EMC3: variants seen among roughly 807,000 people sequenced by gnomAD.
EMC3 encodes the protein ER membrane protein complex subunit 3, also known as 30 kDa protein.
Under a neutral mutation model 36.6 loss-of-function variants are expected in EMC3, and 13 were observed. The observed-to-expected ratio is 0.35, with a 90% confidence interval of 0.23 to 0.56. The LOEUF (loss-of-function observed/expected upper bound fraction) is 0.56, where lower values mean the gene tolerates loss of function less well. Ranked by LOEUF, EMC3 falls within the 20% of genes least tolerant of loss-of-function variation. The pLI is 0.84. For missense variants in EMC3, 220 were observed against 324.5 expected, an observed-to-expected ratio of 0.68 and a Z score of 2.47; for synonymous variants, 120 against 111.9, an observed-to-expected ratio of 1.07 and a Z score of -0.46.
intron 1 of EMC3, among the ~76,000 whole-genome samples, chr3:9,982,270 T>C (rs1454121089): frequency 1.3e-5 from 2 of 150,412 alleles, no homozygotes; most frequent in Non-Finnish European, 3.0e-5. Flanking sequence ...TTTTCTTTTT[T>C]TTGAGACATA....
upstream of EMC3, chr3:9,986,986 T>TG (rs1464568807): frequency 1.1e-5 from 12 of 1,097,630 alleles, no homozygotes; most frequent in Non-Finnish European, 1.2e-5. Context: ...GAGGCCAAGG[T>TG]GGGGGGATCA....
chr3:9,987,473 C>A (rs981368878), upstream of EMC3, among the ~76,000 whole-genome samples: 1 of 152,128 alleles, frequency 6.6e-6, no homozygotes, highest in Non-Finnish European at 1.5e-5. Context: ...ACCCTCACCC[C>A]CTTCCCGATG....
In EMC3 at chr3:9,986,676, G is replaced by A. The variant is rs761131321; in HGVS notation, c.-15C>T. ...GGCCCTGCCATCTTCACTGAAAGCT[G>A]GTTCCCAGTCTGGAATGGGCGAGCT... On this transcript the variant is annotated 5_prime_UTR_variant, in exon 1 of 8. Coordinates refer to ENST00000245046, the MANE Select transcript of EMC3 (RefSeq NM_001394674.1). 1.9e-6 allele frequency: 3 copies of A among 1,613,424 alleles called. No individual in the cohort carries two copies. Among genetic ancestry groups the A allele is most frequent in the South Asian group, 1.1e-5 (1 of 91,054 alleles).
Position 9,986,747 on chromosome 3 carries a change from G to A in EMC3, c.-86C>T, listed in dbSNP as rs552997830. ...TGCTTCTCTTCGGCTTCGCCTCCGG[G>A]CCTTCTCAAGCCCCTTTGCCCGTGT... On this transcript the variant is annotated 5_prime_UTR_variant, in exon 1 of 8. Transcript: ENST00000245046. 1.4e-4 allele frequency: 218 copies of A among 1,567,396 alleles called. No individual in the cohort carries two copies. The African/African-American group carries it at 2.2e-3, about 16-fold the overall frequency.
At chr3:9,990,311 T>G (rs1239192897), upstream of EMC3, among the ~76,000 whole-genome samples, 1 of 141,764 alleles carries the variant, frequency 7.1e-6, no homozygotes, top group African/African-American at 2.7e-5. Flanking sequence ...TGAGCCACCG[T>G]GCCGGGCCTT....
rs1479009744 is a variant in EMC3, at chr3:9,973,726, G to T, written c.413-17C>A. ...GGACCTTGGCTGCAGAGAAGAAAAA[G>T]TTCACAATCACTCTGAGCTGTTTTA... On this transcript the variant is annotated splice_polypyrimidine_tract_variant and intron_variant, in intron 4 of 7. Transcript: ENST00000245046. 23 of 1,607,564 alleles carry T rather than the reference G, an allele frequency of 1.4e-5. No homozygotes were observed. Among genetic ancestry groups the T allele is most frequent in the Non-Finnish European group, 1.9e-5 (22 of 1,173,974 alleles).
rs748279358 is a variant in EMC3, at chr3:10,007,350, T to G, written c.-242+3673A>C. 9 of 1,347,848 alleles carry G rather than the reference T, an allele frequency of 6.7e-6. No individual in the cohort carries two copies. In the South Asian group the frequency reaches 1.0e-4, roughly 16 times the overall value. The allele number at this position is 1,347,848 out of a possible 1,614,324, so 83.5% of individuals were successfully genotyped here. A position where few individuals can be genotyped will look rare whatever the true frequency, so the allele number is the denominator to read the frequency against. ...TCCCGTCTGCCTGTGTCAATCATGC[T>G]GAGAGGTCCCCAGGAGGATCCTGAA... On this transcript the variant is annotated intron_variant, in intron 1 of 8. Transcript: ENST00000470827.
At chr3:9,987,103 A>C, upstream of EMC3, 1 of 820,032 alleles carries the variant, frequency 1.2e-6, no homozygotes. Context: ...AGTCGCAGCT[A>C]CTCGGGAGGC....
In EMC3 at chr3:10,003,299, C is replaced by T. The variant is rs73811803; in HGVS notation, c.-242+7724G>A. 5.2e-3 allele frequency: 2,304 copies of T among 440,552 alleles called. 36 individuals carry two copies. Among genetic ancestry groups the T allele is most frequent in the African/African-American group, 0.041 (2,018 of 49,384 alleles). 27.3% of individuals were successfully genotyped at this position (440,552 alleles called of 1,614,324 possible). ...TTGCCAATAAGGAGGCTGTGACTGC[C>T]GCAGGGCTGCCAGGGGATGCACTTC... On this transcript the variant is annotated intron_variant, in intron 1 of 8. Coordinates refer to the EMC3 transcript ENST00000470827.
At chr3:9,986,481 T>C (rs745365395) in intron 1 of EMC3, 26 bp downstream of exon 1, 1 of 1,608,968 alleles carries the variant, frequency 6.2e-7, no homozygotes. Flanking sequence ...CGGTGTGAGG[T>C]AGGCTGGAGA....
In EMC3 at chr3:9,996,789, C is replaced by G. The variant is rs147522373; in HGVS notation, c.-241-9887G>C. Among the ~76,000 whole-genome samples, 603 of 152,290 alleles carry G rather than the reference C, an allele frequency of 4.0e-3. 5 individuals carry two copies. Among genetic ancestry groups the G allele is most frequent in the Non-Finnish European group, 6.9e-3 (471 of 68,032 alleles). ...TCACTTTATAACCTTCTGAGATGTT[C>G]TGAGAATTTACAAATTTGTGTTTAC... On this transcript the variant is annotated intron_variant, in intron 1 of 8. Coordinates refer to the EMC3 transcript ENST00000470827.
chr3:9,995,483 G>A (rs17050699), intron 1 of EMC3, among the ~76,000 whole-genome samples: 32,573 of 141,928 alleles, frequency 0.23, 3,762 homozygotes, highest in African/African-American at 0.36. Flanking sequence ...CCTGAAGCCA[G>A]CATTACTAGA....
chr3:10,007,262 A>C, intron 1 of EMC3: 1 of 1,215,208 alleles, frequency 8.2e-7, no homozygotes, highest in Non-Finnish European at 1.1e-6. Context: ...CACATTGTTC[A>C]TGGCTTCCCC....
At chr3:9,965,416 CGATAGAT>C (rs2085727139) in intron 7 of EMC3, among the ~76,000 whole-genome samples, 1 of 145,756 alleles carries the variant, frequency 6.9e-6, no homozygotes, top group Non-Finnish European at 1.5e-5. Flanking sequence ...GTGAGACCCT[CGATAGAT>C]AGATAGATAG....
chr3:9,998,435 A>T (rs1452139278), intron 1 of EMC3, among the ~76,000 whole-genome samples: 5 of 144,258 alleles, frequency 3.5e-5, no homozygotes, highest in East Asian at 2.0e-4. Context: ...TAATAATTTA[A>T]TTTTTTTTTT....
intron 1 of EMC3, among the ~76,000 whole-genome samples, chr3:9,978,792 T>C (rs2085877973): frequency 6.6e-6 from 1 of 151,656 alleles, no homozygotes; most frequent in Non-Finnish European, 1.5e-5. Context: ...GACGACGCCA[T>C]TGCACTCCAG....
intron 1 of EMC3, among the ~76,000 whole-genome samples, chr3:9,984,687 G>C (rs900754792): frequency 1.3e-5 from 2 of 152,156 alleles, no homozygotes; most frequent in Non-Finnish European, 2.9e-5. Context: ...CACCATGCCC[G>C]GCCAGTAAGC....
At chr3:9,991,609 G>A (rs555215383), upstream of EMC3, among the ~76,000 whole-genome samples, 24 of 152,176 alleles carry the variant, frequency 1.6e-4, no homozygotes, top group South Asian at 4.2e-3. Flanking sequence ...TCCACCTCCT[G>A]GGCTCAATGA....
rs2085775286 is a variant in EMC3 at position 9,970,613 on chromosome 3, G to T, written c.543C>A (p.Ser181Arg). The T allele has an allele frequency of 6.2e-7, 1 of 1,614,026 alleles. No individual in the cohort carries two copies. Residue 181 changes from serine to arginine, a missense_variant, in exon 6 of 8, where the codon AGC becomes AGA. Ser to Arg is a moderately radical substitution (Grantham distance 110, BLOSUM62 -1). This residue lies in a region of EMC3 where 56 missense variants were observed against 117.0 expected (regional missense o/e 0.48). Transcript: ENST00000245046. ...CTTGGCCCAGAATCAGAGAGTAAAT[G>T]CTCCGAAGCCCAAATACATTGAGGA... ...WYFLNVFGLRSIYSLILGQDN... is the reference protein window; with the variant it reads ...WYFLNVFGLRRIYSLILGQDN...
Sources: allele counts gnomAD v4.1 joint callset (sites outside exome capture counted in the v4.1 genomes callset), GRCh38; gene constraint gnomAD v4.1.1; regional missense constraint gnomAD v4.1.1; transcripts MANE v1.5; gene names NCBI Gene and HGNC (gene_info 2026-07-23, HGNC 2026-07-21).